The following COL25A1 variants were observed in gnomAD, a reference collection of about 807,000 sequenced individuals.
The protein encoded by COL25A1 is collagen type XXV alpha 1 chain, also known as collagen alpha-1(XXV) chain.
A neutral mutation model predicts 128.4 loss-of-function variants in COL25A1; 103 were observed. The observed-to-expected ratio is 0.80, with a 90% confidence interval of 0.68 to 0.94. The LOEUF (loss-of-function observed/expected upper bound fraction) is 0.94, where lower values mean the gene tolerates loss of function less well. Among genes scored for constraint, COL25A1 ranks in the 40% least tolerant of loss-of-function variants. COL25A1 has a pLI of 0.00. For missense variants in COL25A1, 745 were observed against 840.0 expected (o/e 0.89, Z 1.40); for synonymous variants, 279 against 277.2 (o/e 1.01, Z -0.06).
Position 108,918,171 on chromosome 4 carries a change from C to A in COL25A1, c.780+1G>T. The A allele has an allele frequency of 1.3e-6, 2 of 1,590,142 alleles. No homozygotes were observed. Among genetic ancestry groups the A allele is most frequent in the Non-Finnish European group, 1.7e-6 (2 of 1,163,494 alleles). ...AAAATACAATATTCTATAGAACTCA[C>A]CTTTTGCCCATTCATCCCTGGAATT... On this transcript the variant is annotated splice_donor_variant, in intron 13 of 37. Coordinates refer to ENST00000399132, the MANE Select transcript of COL25A1 (RefSeq NM_198721.4). LOFTEE classifies it high-confidence loss of function.
intron 35 of COL25A1, among the ~76,000 whole-genome samples, chr4:108,822,043 A>ATTT (rs10567518): frequency 1.2e-4 from 11 of 89,996 alleles, no homozygotes; most frequent in South Asian, 4.8e-4. Context: ...CCTAATGGTA[A>ATTT]TTTTTTTTTT....
intron 3 of COL25A1, among the ~76,000 whole-genome samples, chr4:109,274,776 G>A (rs1160774380): frequency 6.6e-6 from 1 of 152,080 alleles, no homozygotes; most frequent in Non-Finnish European, 1.5e-5. Context: ...CTGGCACAAT[G>A]GATATTTAAT....
At chr4:109,164,182 A>G (rs569050021) in intron 3 of COL25A1, among the ~76,000 whole-genome samples, 1 of 152,022 alleles carries the variant, frequency 6.6e-6, no homozygotes, top group Admixed American at 6.6e-5. Flanking sequence ...AGGCAGAAGT[A>G]GGCCTGGCTT....
chr4:108,853,389 T>TGTGTGC (rs1238986166), intron 24 of COL25A1, among the ~76,000 whole-genome samples: 3 of 54,756 alleles, frequency 5.5e-5, no homozygotes, highest in African/African-American at 1.3e-4. Context: ...TGCGTGTGTG[T>TGTGTGC]GTGTGCGTGT....
chr4:109,079,689 A>T (rs1369994056), intron 3 of COL25A1, among the ~76,000 whole-genome samples: 1 of 152,096 alleles, frequency 6.6e-6, no homozygotes, highest in African/African-American at 2.4e-5. Flanking sequence ...TTAAGAAAAA[A>T]AAATCTATCC....
chr4:109,197,226 T>C (rs1776118647), intron 3 of COL25A1, among the ~76,000 whole-genome samples: 1 of 148,954 alleles, frequency 6.7e-6, no homozygotes, highest in African/African-American at 2.5e-5. Flanking sequence ...CTCAGAAGGC[T>C]GAGGCAGGAG....
In COL25A1 at chr4:108,937,820, T is replaced by G. The variant is rs183625583; in HGVS notation, c.696A>C (p.Glu232Asp). ...GVPGEPGKPGEQGLMGPLGPP... is the reference protein window; with the variant it reads ...GVPGEPGKPGDQGLMGPLGPP... Reference sequence around the variant, plus strand: ...CTGAGATACTTGCCATCAAGCCTTGTTCTCCTGGCTTTCCTGGTTCACCCT... The same window carrying G: ...CTGAGATACTTGCCATCAAGCCTTGGTCTCCTGGCTTTCCTGGTTCACCCT... The change falls in exon 11 of 38, where the codon GAA (glutamate) becomes GAC (aspartate). Residue 232 changes from glutamate (E) to aspartate (D), a missense_variant. Transcript: ENST00000399132. 4.0e-4 allele frequency: 641 copies of G among 1,608,234 alleles called. 2 individuals are homozygous for G. The African/African-American group carries it at 8.1e-3, about 20-fold the overall frequency.
chr4:108,940,400 C>T (rs1747942000), intron 10 of COL25A1, 139 bp downstream of exon 10: 1 of 751,640 alleles, frequency 1.3e-6, no homozygotes, highest in Non-Finnish European at 2.4e-6. Flanking sequence ...CTACTCCACT[C>T]ATCATCCCAC....
intron 22 of COL25A1, 35 bp from the exon 23 acceptor site, chr4:108,861,006 A>G: frequency 4.4e-6 from 7 of 1,578,326 alleles, no homozygotes; most frequent in Non-Finnish European, 6.1e-6. Context: ...ACTTAATCAG[A>G]AGTGGGGGAA....
In COL25A1 at chr4:108,884,167, G is replaced by A; in HGVS notation, c.1020+11C>T. 6.2e-7 allele frequency: 1 copy of A among 1,613,190 alleles called. No homozygotes were observed. Among genetic ancestry groups the A allele is most frequent in the Non-Finnish European group, 8.5e-7 (1 of 1,179,398 alleles). On this transcript the variant is annotated intron_variant, in intron 19 of 37. Transcript: ENST00000399132. Reference sequence around the variant, plus strand: ...GTTCTGTGAAGCCGAGACTGTCCGTGCAGTATTTACCTTTATCCCCGGAAG... The same window carrying A: ...GTTCTGTGAAGCCGAGACTGTCCGTACAGTATTTACCTTTATCCCCGGAAG...
chr4:109,263,351 C>A (rs1481641130), intron 3 of COL25A1, among the ~76,000 whole-genome samples: 1 of 151,580 alleles, frequency 6.6e-6, no homozygotes, highest in Non-Finnish European at 1.5e-5. Flanking sequence ...GTGGCATACT[C>A]AAAAAGCTTC....
chr4:109,218,677 A>G (rs910880564), intron 3 of COL25A1, among the ~76,000 whole-genome samples: 3 of 152,026 alleles, frequency 2.0e-5, no homozygotes, highest in African/African-American at 7.2e-5. Flanking sequence ...AATATTATAT[A>G]TCACTAATTT....
chr4:109,039,998 G>A (rs1000966233), intron 5 of COL25A1, among the ~76,000 whole-genome samples: 5 of 152,078 alleles, frequency 3.3e-5, no homozygotes, highest in African/African-American at 1.2e-4. Context: ...AGTAACAAAA[G>A]ATGCATGCTT....
intron 3 of COL25A1, among the ~76,000 whole-genome samples, chr4:109,127,560 T>TC (rs1220081497): frequency 6.6e-6 from 1 of 152,050 alleles, no homozygotes; most frequent in African/African-American, 2.4e-5. Flanking sequence ...ACTCCTGGGA[T>TC]CAAGCAATCT....
intron 20 of COL25A1, among the ~76,000 whole-genome samples, chr4:108,865,422 G>A (rs1180485041): frequency 1.3e-5 from 2 of 152,094 alleles, no homozygotes; most frequent in African/African-American, 4.8e-5. Context: ...AAAGACTCAG[G>A]TTTCTTAACA....
chr4:109,229,443 G>T lies in COL25A1; in HGVS notation c.367+71140C>A, dbSNP rs543399787. Among the ~76,000 whole-genome samples the T allele has an allele frequency of 8.5e-5, 13 of 152,180 alleles. No individual in the cohort carries two copies. In the South Asian group the frequency reaches 2.7e-3, roughly 32 times the overall value. ...AAAGATACCTTATTTAATATATATT[G>T]TTGATTCATTAACATTGAACTTACT... On this transcript the variant is annotated intron_variant, in intron 3 of 37. Transcript: ENST00000399132.
intron 5 of COL25A1, among the ~76,000 whole-genome samples, chr4:109,024,688 A>C (rs558917655): frequency 6.6e-6 from 1 of 152,320 alleles, no homozygotes; most frequent in South Asian, 2.1e-4. Flanking sequence ...AACTGCAGAA[A>C]ACTTTTAAAC....
chr4:109,012,573 G>C (rs1406034065), intron 5 of COL25A1, among the ~76,000 whole-genome samples: 1 of 152,160 alleles, frequency 6.6e-6, no homozygotes, highest in Non-Finnish European at 1.5e-5. Context: ...TGGAGCGGCC[G>C]GCCAGCCGGC....
At chr4:109,038,478 T>C (rs558560671) in intron 5 of COL25A1, among the ~76,000 whole-genome samples, 202 of 152,240 alleles carry the variant, frequency 1.3e-3, no homozygotes, top group African/African-American at 4.6e-3. Flanking sequence ...TGCCCTATGG[T>C]TCTGTTTCTC....
Sources: allele counts gnomAD v4.1 joint callset (sites outside exome capture counted in the v4.1 genomes callset), GRCh38; gene constraint gnomAD v4.1.1; transcripts MANE v1.5; gene names NCBI Gene and HGNC (gene_info 2026-07-23, HGNC 2026-07-21).